LCMT1: variants seen among roughly 807,000 people sequenced by gnomAD.
LCMT1 encodes the protein [Phosphatase 2A protein]-leucine-carboxy methyltransferase 1.
A neutral mutation model predicts 47.7 loss-of-function variants in LCMT1; 32 were observed. The ratio of observed to expected loss-of-function variants is 0.67; its 90% CI spans 0.51 to 0.90. LCMT1 has a LOEUF of 0.90. Ranked by LOEUF, LCMT1 falls within the 40% of genes least tolerant of loss-of-function variation. The pLI, the probability that LCMT1 is intolerant of heterozygous loss-of-function variation, is 0.00. For missense variants in LCMT1, 375 were observed against 415.2 expected, an observed-to-expected ratio of 0.90 and a Z score of 0.84; for synonymous variants, 152 against 149.7, an observed-to-expected ratio of 1.02 and a Z score of -0.11.
chr16:25,132,363 T>G (rs1002539002), intron 2 of LCMT1, 39 bp from the exon 3 acceptor site: 3 of 1,610,626 alleles, frequency 1.9e-6, no homozygotes, highest in Non-Finnish European at 2.5e-6. Flanking sequence ...CTGTCATCAC[T>G]GGGTGATAGC....
At chr16:25,145,894 T>G (rs1960835398) in intron 4 of LCMT1, 1 of 152,386 alleles carries the variant, frequency 6.6e-6, no homozygotes, top group Non-Finnish European at 1.5e-5. Context: ...ATCCTTGCTT[T>G]CTTTGGGTAT....
At chr16:25,137,192 G>A (rs1314139064) in intron 3 of LCMT1, among the ~76,000 whole-genome samples, 1 of 152,010 alleles carries the variant, frequency 6.6e-6, no homozygotes, top group Non-Finnish European at 1.5e-5. Context: ...CTACCACCAT[G>A]CCCAGCTAAT....
Position 25,117,156 on chromosome 16 carries a change from G to A in LCMT1, c.113+5160G>A, listed in dbSNP as rs891843. 8.6e-3 allele frequency among the ~76,000 whole-genome samples: 1,317 copies of A among 152,294 alleles called. 25 individuals carry two copies. The highest frequency in any genetic ancestry group is 0.03 in the African/African-American group (1,262 of 41,544). On this transcript the variant is annotated intron_variant, in intron 1 of 10. Coordinates refer to ENST00000399069, the MANE Select transcript of LCMT1 (RefSeq NM_016309.3). The stretch of plus-strand genomic sequence containing the variant: ...TGTTTTAGAAAAATTCCTAGCAGCT[G>A]TGTGGGAGAAGGGTTGGTGACACAA...
chr16:25,168,935 C>T (rs1272947935), intron 7 of LCMT1, among the ~76,000 whole-genome samples, 177 bp from the exon 8 acceptor site: 1 of 152,198 alleles, frequency 6.6e-6, no homozygotes, highest in Admixed American at 6.5e-5. Context: ...TCCAGGGCTA[C>T]CCAAGTTTAT....
At position 25,164,622 on chromosome 16, in the gene LCMT1, A is replaced by ATT. The variant is rs2141703164; in HGVS notation, c.595_596insTT (p.Cys199PhefsTer7). ...GATTGCCAACACTCCTGATAGCTGAATGTGTGCTGGTTTACATGACTCCAG... is the reference window on the plus strand; with the variant it reads ...GATTGCCAACACTCCTGATAGCTGAATTTGTGTGCTGGTTTACATGACTCCAG... On this transcript the variant is annotated frameshift_variant, in exon 7 of 11. Transcript: ENST00000399069. LOFTEE classifies it high-confidence loss of function. 6.2e-7 allele frequency: 1 copy of ATT among 1,613,946 alleles called. No individual in the cohort carries two copies. Among genetic ancestry groups the ATT allele is most frequent in the East Asian group, 2.2e-5 (1 of 44,882 alleles).
chr16:25,170,535 G>C (rs767903447), intron 8 of LCMT1, among the ~76,000 whole-genome samples, 179 bp from the exon 9 acceptor site: 1 of 151,804 alleles, frequency 6.6e-6, no homozygotes, highest in Admixed American at 6.6e-5. Flanking sequence ...GTGGCAGAGC[G>C]GGGAGGATCG....
At chr16:25,150,974 G>T (rs1961061179) in intron 4 of LCMT1, among the ~76,000 whole-genome samples, 1 of 152,154 alleles carries the variant, frequency 6.6e-6, no homozygotes, top group Non-Finnish European at 1.5e-5. Context: ...ACTGGCTCTA[G>T]GTTAAGTCCA....
At chr16:25,133,828 G>T (rs1333899074) in intron 3 of LCMT1, among the ~76,000 whole-genome samples, 1 of 151,258 alleles carries the variant, frequency 6.6e-6, no homozygotes, top group Non-Finnish European at 1.5e-5. Flanking sequence ...GAGGTCAGGA[G>T]TTAGAGACCA....
At chr16:25,171,072 C>G (rs1189794892) in intron 9 of LCMT1, among the ~76,000 whole-genome samples, 2 of 152,010 alleles carry the variant, frequency 1.3e-5, no homozygotes, top group African/African-American at 2.4e-5. Flanking sequence ...CTTGTCTCTA[C>G]TAAAAATGCA....
intron 3 of LCMT1, among the ~76,000 whole-genome samples, chr16:25,138,750 T>A (rs1438169972): frequency 6.6e-6 from 1 of 152,176 alleles, no homozygotes; most frequent in Non-Finnish European, 1.5e-5. Context: ...GCACCTTCTT[T>A]CCAGCACGTT....
intron 2 of LCMT1, 36 bp from the exon 3 acceptor site, chr16:25,132,366 G>GTGAT (rs1459630826): frequency 2.5e-6 from 4 of 1,611,320 alleles, no homozygotes. Flanking sequence ...TCATCACTGG[G>GTGAT]TGATAGCTTG....
chr16:25,117,212 A>G (rs1959819861), intron 1 of LCMT1, among the ~76,000 whole-genome samples: 1 of 152,160 alleles, frequency 6.6e-6, no homozygotes. Context: ...CCACAACCAT[A>G]GCCCTTGCTT....
chr16:25,175,637 A>G (rs1314638208), intron 10 of LCMT1, among the ~76,000 whole-genome samples: 1 of 151,896 alleles, frequency 6.6e-6, no homozygotes, highest in African/African-American at 2.4e-5. Context: ...TGTCTCAAAA[A>G]ATAAATAAAT....
intron 4 of LCMT1, chr16:25,145,091 C>A (rs1258871234): frequency 1.3e-5 from 2 of 152,144 alleles, no homozygotes; most frequent in Non-Finnish European, 2.9e-5. Flanking sequence ...CCCAAGAAAC[C>A]CTGGGGCTGC....
chr16:25,112,924 C>T (rs1006866193), intron 1 of LCMT1, among the ~76,000 whole-genome samples: 17 of 151,798 alleles, frequency 1.1e-4, no homozygotes, highest in African/African-American at 4.1e-4. Flanking sequence ...GGGCAGATCA[C>T]GAGGTCAGGA....
At chr16:25,161,044 A>G in intron 5 of LCMT1, 58 bp from the exon 6 acceptor site, 2 of 1,008,632 alleles carry the variant, frequency 2.0e-6, no homozygotes, top group Non-Finnish European at 3.0e-6. Context: ...CCATAAGGCT[A>G]CTATAACTTT....
chr16:25,118,531 G>A (rs1325991828), intron 1 of LCMT1, among the ~76,000 whole-genome samples: 2 of 152,260 alleles, frequency 1.3e-5, no homozygotes, highest in African/African-American at 4.8e-5. Context: ...CTGGAGTGGG[G>A]GTGGGTAGGG....
At chr16:25,123,051 T>C (rs1397596025) in intron 1 of LCMT1, among the ~76,000 whole-genome samples, 1 of 152,160 alleles carries the variant, frequency 6.6e-6, no homozygotes. Flanking sequence ...ATTTAACGTA[T>C]CTTTTAGCAT....
intron 1 of LCMT1, among the ~76,000 whole-genome samples, chr16:25,120,664 T>G (rs1959947294): frequency 6.6e-6 from 1 of 151,752 alleles, no homozygotes; most frequent in Admixed American, 6.6e-5. Context: ...CCTGACCTCA[T>G]GTGATCTGCT....
Sources: gnomAD v4.1 joint callset for allele counts (sites outside exome capture counted in the v4.1 genomes callset) on GRCh38, gnomAD v4.1.1 for gene constraint, MANE v1.5 for transcripts, NCBI Gene and HGNC (gene_info 2026-07-23, HGNC 2026-07-21) for gene names.